The following JOSD1 variants were observed in gnomAD, a reference collection of about 807,000 sequenced individuals.
JOSD1 encodes josephin-1.
JOSD1 carries 11 observed loss-of-function variants against 24.3 expected under a neutral mutation model. That is an observed-to-expected ratio of 0.45 (90% CI 0.29 to 0.75). The LOEUF is 0.75. JOSD1 is among the 30% of genes least tolerant of loss of function. The pLI, the probability that JOSD1 is intolerant of heterozygous loss-of-function variation, is 0.11. For missense variants in JOSD1, 184 were observed against 253.5 expected (o/e 0.73, Z 1.86); for synonymous variants, 106 against 93.8 (o/e 1.13, Z -0.75).
At position 38,687,117 on chromosome 22, in the gene JOSD1, T is replaced by G. The variant is rs2092501400; in HGVS notation, c.*785A>C. ...GGCAGATCACTTGAGGTCGGGAGTT[T>G]GAGACCAGCCTGACCAACATGGAGA... is the stretch of plus-strand genomic sequence containing the variant. On this transcript the variant is annotated 3_prime_UTR_variant, in exon 5 of 5. Transcript: ENST00000683374. The G allele has an allele frequency of 6.6e-6, 1 of 152,166 alleles. No individual in the cohort carries two copies. Among genetic ancestry groups the G allele is most frequent in the Non-Finnish European group, 1.5e-5 (1 of 68,048 alleles). 9.4% of individuals were successfully genotyped at this position (152,166 alleles called of 1,614,324 possible). A position where few individuals can be genotyped will look rare whatever the true frequency, so the allele number is the denominator to read the frequency against.
chr22:38,697,095 T>C (rs1352155332), intron 2 of JOSD1, among the ~76,000 whole-genome samples: 1 of 152,238 alleles, frequency 6.6e-6, no homozygotes, highest in Non-Finnish European at 1.5e-5. Context: ...TGAGATGTGC[T>C]TCTCAGGGGC....
Position 38,687,009 on chromosome 22 carries a change from A to G in JOSD1, c.*893T>C, listed in dbSNP as rs766571634. The G allele has an allele frequency of 6.6e-6, 1 of 152,176 alleles. No homozygotes were observed. The highest frequency in any genetic ancestry group is 6.6e-5 in the Admixed American group (1 of 15,254). 9.4% of individuals were successfully genotyped at this position (152,176 alleles called of 1,614,324 possible). On this transcript the variant is annotated 3_prime_UTR_variant, in exon 5 of 5. Transcript: ENST00000683374. ...AGTATCCTCCTCACTTCATACTAGA[A>G]TATTAGTTAATTTTTCATTATAAAA...
At chr22:38,699,527 G>A (rs1412372421) in intron 2 of JOSD1, among the ~76,000 whole-genome samples, 2 of 152,220 alleles carry the variant, frequency 1.3e-5, no homozygotes, top group Non-Finnish European at 2.9e-5. Flanking sequence ...GTCTTCATCA[G>A]TAAAATGGAA....
intron 2 of JOSD1, among the ~76,000 whole-genome samples, chr22:38,694,659 G>A (rs904560151): frequency 2.6e-5 from 4 of 151,944 alleles, no homozygotes; most frequent in Non-Finnish European, 4.4e-5. Flanking sequence ...TCAGAAGATC[G>A]AGACCATCTT....
At chr22:38,688,077 A>T (rs2092506030) in intron 4 of JOSD1, 76 bp from the exon 5 acceptor site, 2 of 970,034 alleles carry the variant, frequency 2.1e-6, no homozygotes, top group Non-Finnish European at 3.3e-6. Flanking sequence ...AAGTCACCTG[A>T]AACCTCACTC....
chr22:38,699,989 T>C lies in JOSD1; in HGVS notation c.-2A>G, dbSNP rs894154213. On this transcript the variant is annotated 5_prime_UTR_variant, in exon 2 of 5. Transcript: ENST00000683374. ...TCCTTTCCATGGCACACAACTCATG[T>C]TTTTTGTTTTAGGTTCCAGAGATGG... 1.3e-6 allele frequency: 2 copies of C among 1,590,562 alleles called. No individual in the cohort carries two copies. Among genetic ancestry groups the C allele is most frequent in the Non-Finnish European group, 1.7e-6 (2 of 1,167,954 alleles).
rs1337871149 is a variant in JOSD1 at position 38,699,743 on chromosome 22, C to T, written c.185+60G>A. On this transcript the variant is annotated intron_variant, in intron 2 of 4. Coordinates refer to ENST00000683374, the MANE Select transcript of JOSD1 (RefSeq NM_001360236.2). Reference sequence around the variant, plus strand: ...GAAGGTTTATGAAGCTGAGACACTGCCCCACCCACAGAAATCCAGAAATAT... The same window carrying T: ...GAAGGTTTATGAAGCTGAGACACTGTCCCACCCACAGAAATCCAGAAATAT... 4.6e-6 allele frequency: 7 copies of T among 1,513,834 alleles called. No individual in the cohort carries two copies. In the South Asian group the frequency reaches 6.7e-5, roughly 15 times the overall value. 93.8% of individuals were successfully genotyped at this position (1,513,834 alleles called of 1,614,324 possible). A position where few individuals can be genotyped will look rare whatever the true frequency, so the allele number is the denominator to read the frequency against.
chr22:38,696,189 C>T (rs1226057865), intron 2 of JOSD1, among the ~76,000 whole-genome samples: 1 of 152,060 alleles, frequency 6.6e-6, no homozygotes, highest in Non-Finnish European at 1.5e-5. Flanking sequence ...AGCAAAGCTG[C>T]CATCATGTAA....
rs2092564502 is a variant in JOSD1, at chr22:38,700,600, T to C, written c.-613A>G. 1 of 985,092 alleles carries C rather than the reference T, an allele frequency of 1.0e-6. No homozygotes were observed. Among genetic ancestry groups the C allele is most frequent in the Non-Finnish European group, 1.2e-6 (1 of 829,808 alleles). The allele number at this position is 985,092 out of a possible 1,614,324, so 61.0% of individuals were successfully genotyped here. ...CGGCTCCCTCGGAAGGCGCGGATTC[T>C]AGCCCTCTGGCCGCGGCCCTGCGGA... On this transcript the variant is annotated 5_prime_UTR_variant, in exon 2 of 5. Coordinates refer to ENST00000683374, the MANE Select transcript of JOSD1 (RefSeq NM_001360236.2).
intron 2 of JOSD1, among the ~76,000 whole-genome samples, chr22:38,699,579 G>A (rs910683424): frequency 1.1e-4 from 17 of 152,210 alleles, no homozygotes; most frequent in African/African-American, 4.1e-4. Flanking sequence ...GACTGTTGAA[G>A]ATCACTCAAG....
chr22:38,688,350 C>T (rs564580379), intron 4 of JOSD1, among the ~76,000 whole-genome samples: 3 of 152,306 alleles, frequency 2.0e-5, no homozygotes, highest in African/African-American at 7.2e-5. Flanking sequence ...GCAACCTCTG[C>T]CTCCCAGGTT....
At chr22:38,688,800 T>C (rs1213724390) in intron 4 of JOSD1, 135 bp downstream of exon 4, 18 of 822,846 alleles carry the variant, frequency 2.2e-5, no homozygotes, top group Non-Finnish European at 2.9e-5. Flanking sequence ...CGAGACACTA[T>C]GATTCTAAGG....
At position 38,699,814 on chromosome 22, in the gene JOSD1, C is replaced by T; in HGVS notation, c.174G>A (p.Glu58=). The T allele has an allele frequency of 6.2e-7, 1 of 1,614,174 alleles. No individual in the cohort carries two copies. Among genetic ancestry groups the T allele is most frequent in the South Asian group, 1.1e-5 (1 of 91,084 alleles). The change falls in exon 2 of 5, where the codon GAG becomes GAA. Residue 58 remains glutamate, a synonymous_variant. Transcript: ENST00000683374. The part of the protein sequence containing the change: ...SNAFTRDTLQ[E]IFQRLSPNTM... ...GAAGGGTCCCCTACCTCTGGAAAAT[C>T]TCTTGCAGCGTATCCCGGGTGAAGG...
At position 38,699,894 on chromosome 22, in the gene JOSD1, G is replaced by A; in HGVS notation, c.94C>T (p.Arg32Cys). The A allele has an allele frequency of 1.2e-6, 2 of 1,614,196 alleles. No homozygotes were observed. Among genetic ancestry groups the A allele is most frequent in the Non-Finnish European group, 1.7e-6 (2 of 1,180,012 alleles). The change falls in exon 2 of 5, where the codon CGC becomes TGC. Residue 32 changes from arginine (R) to cysteine (C), a missense_variant. Physicochemically the swap from Arg to Cys is radical, Grantham distance 180. Coordinates refer to ENST00000683374, the MANE Select transcript of JOSD1 (RefSeq NM_001360236.2). ...GCGTGGAGGGCACAAAGCTCCCTGCGCTGTTTCTCATGGTAGATTTGTGGG... is the reference window on the plus strand; with the variant it reads ...GCGTGGAGGGCACAAAGCTCCCTGCACTGTTTCTCATGGTAGATTTGTGGG... ...APPQIYHEKQ[R>C]RELCALHALN...
At chr22:38,692,437 G>C (rs1053015764) in intron 2 of JOSD1, among the ~76,000 whole-genome samples, 1 of 152,094 alleles carries the variant, frequency 6.6e-6, no homozygotes, top group Non-Finnish European at 1.5e-5. Context: ...ATGAAACATA[G>C]CTTAAAAAGA....
chr22:38,699,370 G>A (rs2092557990), intron 2 of JOSD1, among the ~76,000 whole-genome samples: 1 of 152,156 alleles, frequency 6.6e-6, no homozygotes, highest in Non-Finnish European at 1.5e-5. Flanking sequence ...GACTGAACGT[G>A]TACGTATCTA....
intron 2 of JOSD1, among the ~76,000 whole-genome samples, chr22:38,695,189 C>T (rs891836735): frequency 1.5e-4 from 23 of 152,126 alleles, no homozygotes; most frequent in African/African-American, 5.1e-4. Flanking sequence ...ATTATTACTA[C>T]GTGTTTGCCT....
At chr22:38,688,860 C>G (rs754571628) in intron 4 of JOSD1, 75 bp downstream of exon 4, 2 of 1,314,906 alleles carry the variant, frequency 1.5e-6, no homozygotes, top group Non-Finnish European at 2.1e-6. Flanking sequence ...TGTCAAATAA[C>G]CAGAGATGAG....
intron 2 of JOSD1, among the ~76,000 whole-genome samples, chr22:38,694,795 G>A (rs1430299689): frequency 1.3e-5 from 2 of 150,140 alleles, no homozygotes; most frequent in Non-Finnish European, 1.5e-5. Context: ...CTGGGAGGCG[G>A]AGCTTGCAGT....
Sources: gnomAD v4.1 joint callset for allele counts (sites outside exome capture counted in the v4.1 genomes callset) on GRCh38, gnomAD v4.1.1 for gene constraint, MANE v1.5 for transcripts, NCBI Gene and HGNC (gene_info 2026-07-23, HGNC 2026-07-21) for gene names.